The following XRN1 variants were observed in gnomAD, a reference collection of about 807,000 sequenced individuals.
XRN1 encodes the protein strand-exchange protein 1 homolog.
In XRN1, 67 loss-of-function variants were observed where a neutral mutation model predicts 222.3. The ratio of observed to expected loss-of-function variants is 0.30; its 90% CI spans 0.25 to 0.37. The LOEUF (loss-of-function observed/expected upper bound fraction) is 0.37, where lower values mean the gene tolerates loss of function less well. XRN1 is among the 10% of genes least tolerant of loss of function. The pLI, the probability that XRN1 is intolerant of heterozygous loss-of-function variation, is 1.00. For synonymous variants in XRN1, 643 were observed against 652.4 expected (o/e 0.99, Z 0.22); for missense variants, 1,707 against 2,000.2 (o/e 0.85, Z 2.80).
At position 142,375,916 on chromosome 3, in the gene XRN1, C is replaced by T; in HGVS notation, c.2860G>A (p.Gly954Ser). The stretch of plus-strand genomic sequence containing the variant: ...TTCTTGTTGAATTTGAGATTTAAAC[C>T]CACATTTGCTTTATGGTCTCCATGA... ...NPHGDHKANVGLNLKFNKKNE... is the reference protein window; with the variant it reads ...NPHGDHKANVSLNLKFNKKNE... The change falls in exon 25 of 41, where the codon GGT (glycine) becomes AGT (serine). Residue 954 changes from glycine to serine, a missense_variant. Physicochemically the swap from Gly to Ser is moderately conservative, Grantham distance 56. Around this residue, in one of 2 missense-constraint regions of XRN1, gnomAD observed 1,234 missense variants for 1,518.2 expected, o/e 0.81. Transcript: ENST00000392981. 1 of 1,612,948 alleles carries T rather than the reference C, an allele frequency of 6.2e-7. No individual in the cohort carries two copies. The highest frequency in any genetic ancestry group is 1.3e-5 in the African/African-American group (1 of 74,784).
rs767036463 is a variant in XRN1, at chr3:142,355,483, T to C, written c.3686A>G (p.Asp1229Gly). Residue 1229 changes from aspartate to glycine, a missense_variant, in exon 32 of 41, where the codon GAT (aspartate) becomes GGT (glycine). Physicochemically the swap from Asp to Gly is moderately conservative, Grantham distance 94. This residue lies in a region of XRN1 where 1,234 missense variants were observed against 1,518.2 expected (regional missense o/e 0.81). Coordinates refer to ENST00000392981, the MANE Select transcript of XRN1 (RefSeq NM_001282857.2). ...LFVPTQVPTKDDDEFCNIWQS... is the reference protein window; with the variant it reads ...LFVPTQVPTKGDDEFCNIWQS... ...CCAAATGTTGCAGAATTCATCATCA[T>C]CTTTAGTAGGTACCTAGCAAAGTAC... The C allele has an allele frequency of 1.3e-6, 2 of 1,593,700 alleles. No homozygotes were observed. The highest frequency in any genetic ancestry group is 1.7e-6 in the Non-Finnish European group (2 of 1,168,402).
intron 1 of XRN1, among the ~76,000 whole-genome samples, chr3:142,439,998 CA>C (rs2070127983): frequency 6.6e-6 from 1 of 150,564 alleles, no homozygotes; most frequent in African/African-American, 2.5e-5. Flanking sequence ...ACGAAGGTCT[CA>C]GGAGACGAAG....
intron 27 of XRN1, among the ~76,000 whole-genome samples, chr3:142,368,382 C>G (rs183901922): frequency 5.9e-5 from 9 of 152,286 alleles, no homozygotes; most frequent in African/African-American, 2.2e-4. Context: ...CTCCTGACCT[C>G]AGGTGATCCA....
chr3:142,432,107 T>C (rs1417903539), intron 2 of XRN1, among the ~76,000 whole-genome samples: 1 of 106,510 alleles, frequency 9.4e-6, no homozygotes, highest in Non-Finnish European at 1.8e-5. Context: ...ATACATTATA[T>C]ATAAATATAT....
chr3:142,311,964 T>C (rs1197520176), intron 40 of XRN1, 151 bp from the exon 41 acceptor site: 1 of 819,484 alleles, frequency 1.2e-6, no homozygotes, highest in East Asian at 2.7e-5. Flanking sequence ...ACTTTAGTAA[T>C]TCAAAGGACT....
intron 33 of XRN1, among the ~76,000 whole-genome samples, chr3:142,346,485 CTT>C (rs1252729302): frequency 4.9e-5 from 7 of 143,014 alleles, no homozygotes; most frequent in Admixed American, 7.1e-5. Flanking sequence ...CAATCATCCT[CTT>C]TTTTTTTTTT....
chr3:142,350,552 T>A (rs1313402514), intron 32 of XRN1, among the ~76,000 whole-genome samples: 1 of 152,072 alleles, frequency 6.6e-6, no homozygotes, highest in South Asian at 2.1e-4. Flanking sequence ...CTCTGACATA[T>A]TTTAATAGCA....
At chr3:142,364,593 C>T (rs2066759661) in intron 29 of XRN1, among the ~76,000 whole-genome samples, 2 of 152,036 alleles carry the variant, frequency 1.3e-5, no homozygotes, top group Admixed American at 1.3e-4. Context: ...ATTTAATTTT[C>T]AAGTCTTTTA....
chr3:142,329,763 A>C (rs2065638359), intron 36 of XRN1, 148 bp from the exon 37 acceptor site: 3 of 697,132 alleles, frequency 4.3e-6, no homozygotes, highest in South Asian at 2.8e-5. Flanking sequence ...AAATAACAGA[A>C]TCAGGATTTC....
intron 27 of XRN1, among the ~76,000 whole-genome samples, chr3:142,367,259 C>A (rs2066845962): frequency 6.6e-6 from 1 of 151,982 alleles, no homozygotes; most frequent in Non-Finnish European, 1.5e-5. Context: ...TGCACTCCAG[C>A]CTGGGCAACA....
At chr3:142,423,514 T>C in intron 6 of XRN1, 46 bp downstream of exon 6, 3 of 1,450,824 alleles carry the variant, frequency 2.1e-6, no homozygotes, top group Non-Finnish European at 2.8e-6. Context: ...AGAATTACTA[T>C]CCAGGCGTAA....
At chr3:142,426,682 T>G in intron 3 of XRN1, 62 bp downstream of exon 3, 1 of 1,510,698 alleles carries the variant, frequency 6.6e-7, no homozygotes, top group Non-Finnish European at 9.1e-7. Flanking sequence ...AAAATACATT[T>G]AAAAACCAAG....
Position 142,315,367 on chromosome 3 carries a change from A to T in XRN1, c.4622-2609T>A, listed in dbSNP as rs562508069. ...GAGATAGGCCTTCCAAAGTGCTGGG[A>T]TTACAAGCATGAGTCAACAAGCCTG... On this transcript the variant is annotated intron_variant, in intron 39 of 40. Coordinates refer to ENST00000392981, the MANE Select transcript of XRN1 (RefSeq NM_001282857.2). Among the ~76,000 whole-genome samples, 99 of 152,164 alleles carry T rather than the reference A, an allele frequency of 6.5e-4. 2 individuals are homozygous for T. Among genetic ancestry groups the T allele is most frequent in the African/African-American group, 2.3e-3 (94 of 41,530 alleles).
intron 33 of XRN1, among the ~76,000 whole-genome samples, chr3:142,343,929 T>C (rs2066067109): frequency 6.6e-6 from 1 of 152,136 alleles, no homozygotes; most frequent in South Asian, 2.1e-4. Context: ...ATCCTGTCAT[T>C]TGCAACAACA....
chr3:142,429,052 A>T (rs1179899452), intron 2 of XRN1, among the ~76,000 whole-genome samples: 2 of 152,108 alleles, frequency 1.3e-5, no homozygotes, highest in East Asian at 3.8e-4. Flanking sequence ...AAGGAAAGGG[A>T]GAAGCTCAAG....
At chr3:142,378,108 GAATT>G (rs1406923707) in intron 23 of XRN1, among the ~76,000 whole-genome samples, 1 of 152,142 alleles carries the variant, frequency 6.6e-6, no homozygotes, top group Non-Finnish European at 1.5e-5. Flanking sequence ...GGTTGATTGT[GAATT>G]AATTTTAGCT....
intron 1 of XRN1, among the ~76,000 whole-genome samples, chr3:142,437,663 CATAGG>C (rs2069979768): frequency 6.6e-6 from 1 of 152,072 alleles, no homozygotes; most frequent in Non-Finnish European, 1.5e-5. Flanking sequence ...ATCCCACAAG[CATAGG>C]AAACTAAAGC....
intron 1 of XRN1, among the ~76,000 whole-genome samples, chr3:142,433,304 A>T (rs1028604173): frequency 6.6e-6 from 1 of 152,220 alleles, no homozygotes; most frequent in Non-Finnish European, 1.5e-5. Flanking sequence ...CTGTTTGTAC[A>T]TGGTTACTGA....
Position 142,410,268 on chromosome 3 carries a change from G to A in XRN1, c.1713+2276C>T, listed in dbSNP as rs375995664. On this transcript the variant is annotated intron_variant, in intron 15 of 40. Transcript: ENST00000392981. ...TTATATGCCTTTATCATAAGGTTGA[G>A]GATGTTTCCTGTTATCCTTGTTTGT... 2.4e-3 allele frequency among the ~76,000 whole-genome samples: 362 copies of A among 152,128 alleles called. 3 individuals are homozygous for A. Among genetic ancestry groups the A allele is most frequent in the South Asian group, 0.019 (89 of 4,804 alleles).
Sources: gnomAD v4.1 joint callset for allele counts (sites outside exome capture counted in the v4.1 genomes callset) on GRCh38, gnomAD v4.1.1 for gene constraint, gnomAD v4.1.1 regional missense constraint, MANE v1.5 for transcripts, NCBI Gene and HGNC (gene_info 2026-07-23, HGNC 2026-07-21) for gene names.